The following POLA1 variants were observed in gnomAD, a reference collection of about 807,000 sequenced individuals.
POLA1 encodes DNA polymerase alpha catalytic subunit.
A neutral mutation model predicts 124.0 loss-of-function variants in POLA1; 15 were observed. That is an observed-to-expected ratio of 0.12 (90% confidence interval 0.08 to 0.19). The LOEUF (loss-of-function observed/expected upper bound fraction) is 0.19, where lower values mean the gene tolerates loss of function less well. POLA1 is among the 10% of genes least tolerant of loss of function. The pLI, the probability that POLA1 is intolerant of heterozygous loss-of-function variation, is 1.00. For synonymous variants in POLA1, 408 were observed against 389.4 expected (o/e 1.05, Z -0.56); for missense variants, 886 against 1,103.4 (o/e 0.80, Z 2.79).
intron 10 of POLA1, among the ~76,000 whole-genome samples, chrX:24,721,025 G>A (rs764261937): frequency 8.9e-6 from 1 of 112,786 alleles, no homozygotes; most frequent in African/African-American, 3.2e-5. Flanking sequence ...GAAGATTGAA[G>A]CATTGAAGCA....
intron 15 of POLA1, among the ~76,000 whole-genome samples, chrX:24,731,171 T>G (rs1359134792): frequency 3.6e-5 from 4 of 111,880 alleles, no homozygotes; most frequent in Non-Finnish European, 7.5e-5. Context: ...GATCAAGCTT[T>G]TAGACCTAAC....
intron 36 of POLA1, among the ~76,000 whole-genome samples, chrX:24,934,240 CTT>C (rs764705648): frequency 8.9e-6 from 1 of 112,287 alleles, no homozygotes; most frequent in Non-Finnish European, 1.9e-5. Flanking sequence ...TCAACTGAAC[CTT>C]TGTTGTTGTT....
chrX:24,957,330 A>T (rs2048117237), intron 36 of POLA1, among the ~76,000 whole-genome samples: 1 of 111,965 alleles, frequency 8.9e-6, no homozygotes, highest in Non-Finnish European at 1.9e-5. Flanking sequence ...TTTGTTAACC[A>T]AAACTGGGGA....
chrX:24,904,083 T>G (rs772450914), intron 35 of POLA1, among the ~76,000 whole-genome samples: 18 of 108,434 alleles, frequency 1.7e-4, no homozygotes, highest in Admixed American at 3.0e-4. Flanking sequence ...TGCAGGCACT[T>G]GGCACCATGA....
intron 34 of POLA1, among the ~76,000 whole-genome samples, chrX:24,856,564 A>G (rs1298978775): frequency 8.9e-6 from 1 of 112,035 alleles, no homozygotes; most frequent in Non-Finnish European, 1.9e-5. Flanking sequence ...CATTTAAGAC[A>G]TTGCCAAACT....
chrX:24,902,944 G>C (rs1248776361), intron 35 of POLA1, among the ~76,000 whole-genome samples: 1 of 112,314 alleles, frequency 8.9e-6, no homozygotes, highest in African/African-American at 3.2e-5. Context: ...GCTTGTGGAA[G>C]TGGACTCAGA....
At chrX:24,753,635 A>G (rs1482907326) in intron 26 of POLA1, among the ~76,000 whole-genome samples, 2 of 112,163 alleles carry the variant, frequency 1.8e-5, no homozygotes, top group African/African-American at 6.5e-5. Flanking sequence ...GATTATAGAT[A>G]GGAGCCACTG....
chrX:24,733,941 G>A (rs1931100118), intron 17 of POLA1, 125 bp downstream of exon 17: 1 of 407,210 alleles, frequency 2.5e-6, no homozygotes, highest in South Asian at 5.3e-5. Context: ...ATTGGACTAT[G>A]ACATCGACCC....
intron 36 of POLA1, among the ~76,000 whole-genome samples, chrX:24,975,264 C>A: frequency 8.9e-6 from 1 of 112,547 alleles, no homozygotes; most frequent in Non-Finnish European, 1.9e-5. Flanking sequence ...TCCGCCTTGG[C>A]CTCCCAAAGT....
chrX:24,697,534 G>C (rs1173963809), intron 1 of POLA1, among the ~76,000 whole-genome samples: 5 of 111,960 alleles, frequency 4.5e-5, no homozygotes, highest in African/African-American at 1.6e-4. Context: ...TCAAACAATA[G>C]AGTGTGATAT....
chrX:24,849,630 T>A (rs1414077490), intron 34 of POLA1, among the ~76,000 whole-genome samples: 8 of 38,170 alleles, frequency 2.1e-4, no homozygotes, highest in African/African-American at 5.4e-4. Context: ...CCCAGCTAAT[T>A]TTTTTTTTTT....
chrX:24,892,744 C>T (rs1003927548), intron 35 of POLA1, among the ~76,000 whole-genome samples: 2 of 112,234 alleles, frequency 1.8e-5, no homozygotes, highest in African/African-American at 3.2e-5. Flanking sequence ...GTGACTCTCA[C>T]GATCATGGTA....
At chrX:24,819,158 T>C (rs1358117753) in intron 30 of POLA1, among the ~76,000 whole-genome samples, 1 of 112,234 alleles carries the variant, frequency 8.9e-6, no homozygotes, top group Admixed American at 9.4e-5. Context: ...ATTTGTTAAA[T>C]GTTGGTTCCC....
chrX:24,771,412 C>G (rs756506893), intron 26 of POLA1, among the ~76,000 whole-genome samples: 2 of 111,657 alleles, frequency 1.8e-5, no homozygotes, highest in African/African-American at 3.3e-5. Context: ...AGGTGGGATT[C>G]TTTAGTACCT....
At position 24,709,897 on chromosome X, in the gene POLA1, C is replaced by T. The variant is rs1255797969; in HGVS notation, c.347-4657C>T. On this transcript the variant is annotated intron_variant, in intron 4 of 36. Transcript: ENST00000379068. ...GGCGGCCGGGCGGAGATGCTCCTCA[C>T]TTTCCAGACTGGGCAGCCAGGCAGA... 5.6e-5 allele frequency among the ~76,000 whole-genome samples: 4 copies of T among 71,928 alleles called. No homozygotes were observed. The East Asian group carries it at 1.3e-3, about 23-fold the overall frequency. 62.5% of individuals were successfully genotyped at this position (71,928 alleles called of 115,157 possible). A position where few individuals can be genotyped will look rare whatever the true frequency, so the allele number is the denominator to read the frequency against.
In POLA1 at chrX:24,968,482, A is replaced by G. The variant is rs762467565; in HGVS notation, c.4262-27323A>G. 1.1e-3 allele frequency among the ~76,000 whole-genome samples: 127 copies of G among 110,669 alleles called. No homozygotes were observed. In the South Asian group the frequency reaches 0.013, roughly 11 times the overall value. Reference sequence around the variant, plus strand: ...TGGGAGGCCAAGGCGGGCGGATCACAAGGTCAGGAGATTGAGACCATCCTG... The same window carrying G: ...TGGGAGGCCAAGGCGGGCGGATCACGAGGTCAGGAGATTGAGACCATCCTG... On this transcript the variant is annotated intron_variant, in intron 36 of 36. Transcript: ENST00000379068.
At chrX:24,720,790 G>T (rs866362164) in intron 10 of POLA1, among the ~76,000 whole-genome samples, 2 of 112,366 alleles carry the variant, frequency 1.8e-5, no homozygotes, top group African/African-American at 6.5e-5. Flanking sequence ...AGGATCTAGA[G>T]CTGCATTGTC....
chrX:24,710,418 ATTTTCAAGTATCATG>A (rs1043400696), intron 4 of POLA1, among the ~76,000 whole-genome samples: 2 of 111,566 alleles, frequency 1.8e-5, no homozygotes, highest in African/African-American at 6.5e-5. Context: ...TTAGCAGAAG[ATTTTCAAGTATCATG>A]TTTTCAAGTA....
At chrX:24,912,165 A>G (rs1037047340) in intron 35 of POLA1, among the ~76,000 whole-genome samples, 1 of 112,559 alleles carries the variant, frequency 8.9e-6, no homozygotes. Context: ...GTGGATATCC[A>G]TATGCAGAGA....
Sources: gnomAD v4.1 joint callset for allele counts (sites outside exome capture counted in the v4.1 genomes callset) on GRCh38, gnomAD v4.1.1 for gene constraint, MANE v1.5 for transcripts, NCBI Gene and HGNC (gene_info 2026-07-23, HGNC 2026-07-21) for gene names.